Variants in CFAP70 observed in about 807,000 individuals in gnomAD.
CFAP70 encodes cilia and flagella associated protein 70.
Under a neutral mutation model 137.6 loss-of-function variants are expected in CFAP70, and 81 were observed. The observed-to-expected ratio is 0.59, with a 90% CI of 0.49 to 0.71. CFAP70 has a LOEUF of 0.71. Ranked by LOEUF, CFAP70 falls within the 30% of genes least tolerant of loss-of-function variation. CFAP70 has a pLI of 0.00. For synonymous variants in CFAP70, 382 were observed against 423.6 expected, an observed-to-expected ratio of 0.90 and a Z score of 1.20; for missense variants, 976 against 1,226.7, an observed-to-expected ratio of 0.80 and a Z score of 3.05.
chr10:73,321,260 T>A (rs1427168897), intron 9 of CFAP70, among the ~76,000 whole-genome samples: 1 of 151,810 alleles, frequency 6.6e-6, no homozygotes, highest in Non-Finnish European at 1.5e-5. Flanking sequence ...CTACTAAAGA[T>A]ACAAAAAAAT....
chr10:73,269,393 T>C (rs2046053523), intron 25 of CFAP70, among the ~76,000 whole-genome samples: 1 of 152,210 alleles, frequency 6.6e-6, no homozygotes, highest in Non-Finnish European at 1.5e-5. Context: ...TTTTTAGAAC[T>C]TCCTTTCCAG....
At chr10:73,258,967 T>C (rs2133546953) in intron 25 of CFAP70, among the ~76,000 whole-genome samples, 1 of 152,330 alleles carries the variant, frequency 6.6e-6, no homozygotes, top group Non-Finnish European at 1.5e-5. Context: ...CAATTCTAAT[T>C]TCGCCCTCGT....
At position 73,353,706 on chromosome 10, in the gene CFAP70, G is replaced by A. The variant is rs199587364; in HGVS notation, c.100C>T (p.Arg34Ter). ...AGAACCACTTGATTGAATTCTGCTCGAATAAAGGTAACTGGAGTATCTCCT... is the reference window on the plus strand; with the variant it reads ...AGAACCACTTGATTGAATTCTGCTCAAATAAAGGTAACTGGAGTATCTCCT... The change falls in exon 3 of 27, where the codon CGA becomes TGA. Residue 34 changes from arginine (R) to a stop codon, truncating the protein, a stop_gained. Transcript: ENST00000310715. LOFTEE classifies it high-confidence loss of function. 5 of 1,614,116 alleles carry A rather than the reference G, an allele frequency of 3.1e-6. No homozygotes were observed. The highest frequency in any genetic ancestry group is 1.3e-5 in the African/African-American group (1 of 75,036).
At chr10:73,270,448 CTCCCCAGCCACCCTTTTCTTTT>C in intron 24 of CFAP70, among the ~76,000 whole-genome samples, 1 of 135,088 alleles carries the variant, frequency 7.4e-6, no homozygotes, top group Non-Finnish European at 1.6e-5. Flanking sequence ...CTCCCCTCCC[CTCCCCAGCCACCCTTTTCTTTT>C]CTCTTTTCTT....
upstream of CFAP70, among the ~76,000 whole-genome samples, chr10:73,360,135 A>G (rs2054950051): frequency 6.6e-6 from 1 of 152,194 alleles, no homozygotes; most frequent in Non-Finnish European, 1.5e-5. Flanking sequence ...CACCCCGAAC[A>G]TGCCCAATCT....
At chr10:73,264,997 C>G (rs556285334) in intron 25 of CFAP70, among the ~76,000 whole-genome samples, 13 of 152,330 alleles carry the variant, frequency 8.5e-5, no homozygotes, top group African/African-American at 3.1e-4. Context: ...TCTCATTAAT[C>G]TCGGTTTATC....
At chr10:73,348,875 A>C (rs981886930) in intron 3 of CFAP70, among the ~76,000 whole-genome samples, 1 of 151,956 alleles carries the variant, frequency 6.6e-6, no homozygotes, top group Non-Finnish European at 1.5e-5. Context: ...CCACCCTGAC[A>C]AACACGGAGA....
At chr10:73,266,850 A>C (rs899769940) in intron 25 of CFAP70, among the ~76,000 whole-genome samples, 1 of 152,126 alleles carries the variant, frequency 6.6e-6, no homozygotes, top group Non-Finnish European at 1.5e-5. Context: ...AATTTTGTTA[A>C]TCCTATTATG....
intron 6 of CFAP70, among the ~76,000 whole-genome samples, chr10:73,336,818 A>T (rs2052716396): frequency 6.6e-6 from 1 of 151,764 alleles, no homozygotes; most frequent in South Asian, 2.1e-4. Flanking sequence ...CCTCGTGCTC[A>T]GCCTGCCTCA....
intron 5 of CFAP70, among the ~76,000 whole-genome samples, chr10:73,343,024 TA>T (rs919282873): frequency 1.3e-5 from 2 of 151,648 alleles, no homozygotes; most frequent in Non-Finnish European, 2.9e-5. Flanking sequence ...TCCTGGCTAA[TA>T]CGGTGAAACC....
At chr10:73,347,535 G>A (rs2053815467) in intron 4 of CFAP70, among the ~76,000 whole-genome samples, 1 of 152,128 alleles carries the variant, frequency 6.6e-6, no homozygotes, top group Admixed American at 6.6e-5. Context: ...TATATGTCAT[G>A]GATATAATTT....
chr10:73,293,466 G>T, intron 15 of CFAP70, 78 bp from the exon 17 acceptor site: 2 of 1,288,306 alleles, frequency 1.6e-6, no homozygotes, highest in Non-Finnish European at 2.1e-6. Flanking sequence ...TAAATCCGAT[G>T]TGAGATCCAG....
chr10:73,290,126 T>C (rs559510038), intron 19 of CFAP70, among the ~76,000 whole-genome samples: 1 of 151,916 alleles, frequency 6.6e-6, no homozygotes, highest in South Asian at 2.1e-4. Context: ...AACACAGGTA[T>C]CTATCAACAG....
chr10:73,302,743 C>T (rs1731259975), intron 12 of CFAP70, among the ~76,000 whole-genome samples: 1 of 152,130 alleles, frequency 6.6e-6, no homozygotes, highest in African/African-American at 2.4e-5. Context: ...ATGTTGAAGA[C>T]TGCTTTAAAT....
intron 19 of CFAP70, among the ~76,000 whole-genome samples, chr10:73,282,825 T>C (rs1334131152): frequency 6.8e-6 from 1 of 147,782 alleles, no homozygotes; most frequent in African/African-American, 2.5e-5. Flanking sequence ...TTTCCTGTTA[T>C]CTTTTTTTTT....
At position 73,353,528 on chromosome 10, in the gene CFAP70, AT is replaced by A. The variant is rs777132785; in HGVS notation, c.250+27del. ...TGATAGGGAAGAAGGCAATCGGGAC[AT>A]TGATTTTTAGAACCACAAGGACTTA... On this transcript the variant is annotated intron_variant, in intron 3 of 26. Coordinates refer to ENST00000310715, the Ensembl canonical transcript of CFAP70. 2.5e-6 allele frequency: 4 copies of A among 1,599,124 alleles called. No individual in the cohort carries two copies. In the African/African-American group the frequency reaches 5.4e-5, roughly 21 times the overall value.
chr10:73,268,813 C>T (rs1194391942), intron 25 of CFAP70, among the ~76,000 whole-genome samples: 1 of 152,006 alleles, frequency 6.6e-6, no homozygotes, highest in African/African-American at 2.4e-5. Context: ...CCCACCCCAA[C>T]CCTCGAAAGT....
rs1484261529 is a variant in CFAP70 at position 73,341,251 on chromosome 10, T to C, written c.582+148A>G. On this transcript the variant is annotated intron_variant, in intron 6 of 26. Coordinates refer to ENST00000310715, the Ensembl canonical transcript of CFAP70. ...CTGGACTTAAGAAGCCAGAAGATAT[T>C]TGAATCAGAATTAGATATGTGTTTT... 7 of 635,688 alleles carry C rather than the reference T, an allele frequency of 1.1e-5. No individual in the cohort carries two copies. The East Asian group carries it at 1.8e-4, about 16-fold the overall frequency. The allele number at this position is 635,688 out of a possible 1,614,324, so 39.4% of individuals were successfully genotyped here.
At chr10:73,324,908 C>T (rs1202251082) in intron 8 of CFAP70, among the ~76,000 whole-genome samples, 1 of 152,216 alleles carries the variant, frequency 6.6e-6, no homozygotes, top group African/African-American at 2.4e-5. Context: ...TTGGAAAACA[C>T]TCTGCAGGAT....
Sources: allele counts gnomAD v4.1 joint callset (sites outside exome capture counted in the v4.1 genomes callset), GRCh38; gene constraint gnomAD v4.1.1; transcripts MANE v1.5; gene names NCBI Gene and HGNC (gene_info 2026-07-23, HGNC 2026-07-21).